The following ADGRB3 variants were observed in gnomAD, a reference collection of about 807,000 sequenced individuals.
ADGRB3 encodes the protein brain-specific angiogenesis inhibitor 3.
Under a neutral mutation model 193.4 loss-of-function variants are expected in ADGRB3, and 37 were observed. The observed-to-expected ratio is 0.19, with a 90% CI of 0.15 to 0.25. The LOEUF is 0.25. Among genes scored for constraint, ADGRB3 ranks in the 10% least tolerant of loss-of-function variants. ADGRB3 has a pLI of 1.00. For synonymous variants in ADGRB3, 690 were observed against 644.2 expected, an observed-to-expected ratio of 1.07 and a Z score of -1.08; for missense variants, 1,637 against 1,852.9, an observed-to-expected ratio of 0.88 and a Z score of 2.14.
chr6:69,125,075 T>C (rs1320916513), intron 17 of ADGRB3, among the ~76,000 whole-genome samples: 1 of 152,140 alleles, frequency 6.6e-6, no homozygotes, highest in Non-Finnish European at 1.5e-5. Context: ...CAGGCAGAGA[T>C]GTTGACAAGC....
chr6:69,265,055 C>A (rs1767010542), intron 20 of ADGRB3, among the ~76,000 whole-genome samples: 1 of 151,860 alleles, frequency 6.6e-6, no homozygotes, highest in Admixed American at 6.6e-5. Flanking sequence ...AGATAATAAC[C>A]TTTAGATAGG....
At chr6:68,726,469 G>A (rs1046951769) in intron 3 of ADGRB3, among the ~76,000 whole-genome samples, 3 of 151,522 alleles carry the variant, frequency 2.0e-5, no homozygotes, top group African/African-American at 7.3e-5. Flanking sequence ...AAAAACAAAT[G>A]AGCTGTGTCA....
rs1400069397 is a variant in ADGRB3 at position 69,036,379 on chromosome 6, C to T, written c.2108-11806C>T. ...AATGGAAAACTAGTCCTGGTTGACT[C>T]CAGGGCACAAATTGATCATATTAAA... is the stretch of plus-strand genomic sequence containing the variant. On this transcript the variant is annotated intron_variant, in intron 13 of 31. Transcript: ENST00000370598. Among the ~76,000 whole-genome samples, 3 of 152,172 alleles carry T rather than the reference C, an allele frequency of 2.0e-5. No homozygotes were observed. The East Asian group carries it at 5.8e-4, about 29-fold the overall frequency.
chr6:69,088,891 AAAG>A (rs1323454269), intron 17 of ADGRB3, among the ~76,000 whole-genome samples: 1 of 152,238 alleles, frequency 6.6e-6, no homozygotes, highest in Non-Finnish European at 1.5e-5. Flanking sequence ...TATTTCAATA[AAAG>A]AAGGAAATTA....
chr6:68,770,694 A>G (rs1460039571), intron 3 of ADGRB3, among the ~76,000 whole-genome samples: 1 of 152,128 alleles, frequency 6.6e-6, no homozygotes, highest in Non-Finnish European at 1.5e-5. Flanking sequence ...TATTCTAACT[A>G]GAAGAGTAAT....
intron 3 of ADGRB3, among the ~76,000 whole-genome samples, chr6:68,846,528 G>A (rs1768278022): frequency 1.3e-5 from 2 of 152,356 alleles, no homozygotes; most frequent in East Asian, 1.9e-4. Flanking sequence ...GGGATTTGGT[G>A]TCCTGTGTCC....
rs1436120247 is a variant in ADGRB3, at chr6:68,938,291, CAG to C, written c.1030+1613_1030+1614del. Among the ~76,000 whole-genome samples the C allele has an allele frequency of 4.0e-5, 6 of 151,860 alleles. No homozygotes were observed. In the East Asian group the frequency reaches 9.7e-4, roughly 25 times the overall value. On this transcript the variant is annotated intron_variant, in intron 5 of 31. Coordinates refer to ENST00000370598, the MANE Select transcript of ADGRB3 (RefSeq NM_001704.3). ...GGAAGATGAAAAATATGATTAAAAA[CAG>C]AATTCATAGAGCAGACAGATTCTAG...
At chr6:68,802,183 C>CGTGCGTGTGT (rs561887284) in intron 3 of ADGRB3, among the ~76,000 whole-genome samples, 2 of 142,734 alleles carry the variant, frequency 1.4e-5, no homozygotes, top group Non-Finnish European at 3.1e-5. Context: ...TGCACATATG[C>CGTGCGTGTGT]GTGTGTGTGT....
chr6:69,111,582 A>T (rs1422978364), intron 17 of ADGRB3, among the ~76,000 whole-genome samples: 1 of 152,090 alleles, frequency 6.6e-6, no homozygotes, highest in African/African-American at 2.4e-5. Flanking sequence ...GACTCAAGTC[A>T]CTCCTTAGCT....
rs1353057895 is a variant in ADGRB3, at chr6:69,361,502, G to A, written c.4229G>A (p.Ser1410Asn). The part of the protein sequence containing the change: ...RSETGSTISM[S>N]SLERRKSRYS... ...GAAACTGGATCAACGATATCAATGA[G>A]TTCTTTAGAGGTGAGCCACAGAAGA... The change falls in exon 29 of 32, where the codon AGT (serine) becomes AAT (asparagine). Residue 1410 changes from serine to asparagine, a missense_variant. Physicochemically the swap from Ser to Asn is conservative, Grantham distance 46. Transcript: ENST00000370598. The A allele has an allele frequency of 6.2e-7, 1 of 1,611,370 alleles. No homozygotes were observed. The highest frequency in any genetic ancestry group is 2.2e-5 in the East Asian group (1 of 44,844).
At chr6:69,378,277 T>C (rs954760609) in intron 30 of ADGRB3, among the ~76,000 whole-genome samples, 1 of 152,044 alleles carries the variant, frequency 6.6e-6, no homozygotes, top group Non-Finnish European at 1.5e-5. Flanking sequence ...TCCTGGATTG[T>C]TTTGTCTCAT....
chr6:69,107,601 C>A (rs948693474), intron 17 of ADGRB3, among the ~76,000 whole-genome samples: 1 of 152,012 alleles, frequency 6.6e-6, no homozygotes, highest in Non-Finnish European at 1.5e-5. Flanking sequence ...AAAGTGGTAA[C>A]CAAAGCATTA....
intron 17 of ADGRB3, among the ~76,000 whole-genome samples, chr6:69,169,223 G>A (rs2150347264): frequency 6.6e-6 from 1 of 152,150 alleles, no homozygotes; most frequent in East Asian, 1.9e-4. Flanking sequence ...TATAAATTGT[G>A]ATTATGCAAT....
intron 3 of ADGRB3, among the ~76,000 whole-genome samples, chr6:68,916,264 G>A (rs1260510338): frequency 6.6e-6 from 1 of 152,122 alleles, no homozygotes; most frequent in Non-Finnish European, 1.5e-5. Context: ...CTGTAGATGG[G>A]ATAAACACTA....
intron 20 of ADGRB3, among the ~76,000 whole-genome samples, chr6:69,316,684 G>A (rs576575935): frequency 4.0e-5 from 6 of 151,572 alleles, no homozygotes; most frequent in South Asian, 2.1e-4. Context: ...GAAATTAGGA[G>A]GTCATGGGTG....
intron 17 of ADGRB3, among the ~76,000 whole-genome samples, chr6:69,198,525 T>C (rs899323745): frequency 6.6e-6 from 1 of 152,044 alleles, no homozygotes; most frequent in Admixed American, 6.6e-5. Flanking sequence ...TTTGAGCAGA[T>C]ACCTGAATAA....
intron 17 of ADGRB3, among the ~76,000 whole-genome samples, chr6:69,076,551 A>G (rs1218236858): frequency 6.6e-6 from 1 of 152,086 alleles, no homozygotes; most frequent in Non-Finnish European, 1.5e-5. Flanking sequence ...GGCAGAAAAA[A>G]TAATTGCACT....
chr6:68,800,330 A>G (rs568914363), intron 3 of ADGRB3, among the ~76,000 whole-genome samples: 19 of 152,156 alleles, frequency 1.2e-4, no homozygotes, highest in Non-Finnish European at 2.4e-4. Context: ...TTGTTTTTGG[A>G]TATCTTATGC....
At chr6:69,034,142 A>G (rs1770795714) in intron 13 of ADGRB3, among the ~76,000 whole-genome samples, 1 of 152,006 alleles carries the variant, frequency 6.6e-6, no homozygotes. Flanking sequence ...ATTTAGCTAT[A>G]GTTTTCCTCT....
Sources: allele counts gnomAD v4.1 joint callset (sites outside exome capture counted in the v4.1 genomes callset), GRCh38; gene constraint gnomAD v4.1.1; transcripts MANE v1.5; gene names NCBI Gene and HGNC (gene_info 2026-07-23, HGNC 2026-07-21).